The following KANSL1L variants were observed in gnomAD, a reference collection of about 807,000 sequenced individuals.
KANSL1L encodes KAT8 regulatory NSL complex subunit 1 like.
KANSL1L carries 25 observed loss-of-function variants against 108.6 expected under a neutral mutation model. That is an observed-to-expected ratio of 0.23 (90% CI 0.17 to 0.32). KANSL1L has a LOEUF of 0.32. KANSL1L is among the 10% of genes least tolerant of loss of function. KANSL1L has a pLI of 1.00. For synonymous variants in KANSL1L, 405 were observed against 395.1 expected, an observed-to-expected ratio of 1.03 and a Z score of -0.30; for missense variants, 1,137 against 1,125.7, an observed-to-expected ratio of 1.01 and a Z score of -0.14.
rs555805368 is a variant in KANSL1L, at chr2:210,101,330, G to A, written c.1428+2774C>T. The stretch of plus-strand genomic sequence containing the variant: ...GCTCCACAACTTCATTTTACACTAG[G>A]ATCTGCAAATTAGGCAGTTCTGATG... On this transcript the variant is annotated intron_variant, in intron 4 of 14. Transcript: ENST00000281772. 6.0e-4 allele frequency among the ~76,000 whole-genome samples: 92 copies of A among 152,252 alleles called. 1 individual carries two copies. Among genetic ancestry groups the A allele is most frequent in the Middle Eastern group, 3.4e-3 (1 of 294 alleles).
chr2:210,035,862 T>C (rs1426455944), intron 8 of KANSL1L, among the ~76,000 whole-genome samples: 1 of 152,236 alleles, frequency 6.6e-6, no homozygotes, highest in African/African-American at 2.4e-5. Context: ...TAAAGACTTG[T>C]TACTCAGTAT....
intron 5 of KANSL1L, among the ~76,000 whole-genome samples, chr2:210,093,919 T>C (rs185770720): frequency 6.6e-6 from 1 of 152,330 alleles, no homozygotes; most frequent in Admixed American, 6.5e-5. Flanking sequence ...GGCTATAATG[T>C]AGATAAATTT....
In KANSL1L at chr2:210,171,295, GGCCGCCGCCGCCGCCGCCGCCGCCGCC is replaced by G. The variant is rs66917529; in HGVS notation, c.-203_-177del. The G allele has an allele frequency of 5.2e-3, 902 of 174,740 alleles. 5 individuals carry two copies. Among genetic ancestry groups the G allele is most frequent in the Non-Finnish European group, 6.1e-3 (536 of 87,988 alleles). 10.8% of individuals were successfully genotyped at this position (174,740 alleles called of 1,614,324 possible). On this transcript the variant is annotated 5_prime_UTR_variant, in exon 1 of 15. Transcript: ENST00000281772. ...CCAGAGCGCGCCCCGCTCCCGCCCCGGCCGCCGCCGCCGCCGCCGCCGCCGCCGCCGCCGCCGCCGCCGCCGCGGTTT... is the reference window on the plus strand; with the variant it reads ...CCAGAGCGCGCCCCGCTCCCGCCCCGGCCGCCGCCGCCGCCGCCGCGGTTT...
upstream of KANSL1L, chr2:210,171,865 C>T (rs1231687066): frequency 6.6e-6 from 1 of 152,112 alleles, no homozygotes; most frequent in Non-Finnish European, 1.5e-5. Flanking sequence ...TTGTCAAGTC[C>T]GCAAGTCTCC....
chr2:210,027,085 T>A (rs1489153384), intron 12 of KANSL1L, among the ~76,000 whole-genome samples: 1 of 152,108 alleles, frequency 6.6e-6, no homozygotes, highest in Non-Finnish European at 1.5e-5. Flanking sequence ...CTTTTTAAAT[T>A]ATTGTGTATT....
chr2:210,053,118 C>T (rs2094311546), intron 6 of KANSL1L, among the ~76,000 whole-genome samples: 1 of 152,148 alleles, frequency 6.6e-6, no homozygotes, highest in Non-Finnish European at 1.5e-5. Flanking sequence ...AGAACTATAG[C>T]CATTTAAATG....
intron 8 of KANSL1L, among the ~76,000 whole-genome samples, chr2:210,037,145 T>C (rs1315334576): frequency 1.3e-5 from 2 of 152,200 alleles, no homozygotes; most frequent in East Asian, 1.9e-4. Flanking sequence ...CATATTTGCA[T>C]ACTCTTTCAG....
intron 4 of KANSL1L, among the ~76,000 whole-genome samples, chr2:210,100,226 C>T (rs1221949966): frequency 5.9e-5 from 9 of 152,242 alleles, no homozygotes; most frequent in Non-Finnish European, 4.4e-5. Context: ...TTATAAGACT[C>T]TAATGCCTGA....
Position 210,154,528 on chromosome 2 carries a change from G to C in KANSL1L, c.55C>G (p.Pro19Ala), listed in dbSNP as rs1462064486. 9 of 1,582,848 alleles carry C rather than the reference G, an allele frequency of 5.7e-6. No homozygotes were observed. The highest frequency in any genetic ancestry group is 7.7e-6 in the Non-Finnish European group (9 of 1,164,090). ...ATCTTGTCAGACTCCATGGTACTTG[G>C]CAAAGATGAAAAGCTGATACCCTTT... is the stretch of plus-strand genomic sequence containing the variant. Reference protein sequence around the residue: ...TAKGISFSSLPSTMESDKMLY... With the variant: ...TAKGISFSSLASTMESDKMLY... The change falls in exon 2 of 15, where the codon CCA (proline) becomes GCA (alanine). Residue 19 changes from proline to alanine, a missense_variant. By Grantham distance (27) the Pro-to-Ala change is conservative. Around this residue, in one of 3 missense-constraint regions of KANSL1L, gnomAD observed 556 missense variants for 537.7 expected, o/e 1.03. Coordinates refer to ENST00000281772, the MANE Select transcript of KANSL1L (RefSeq NM_152519.4).
rs917823273 is a variant in KANSL1L, at chr2:210,142,823, T to A, written c.1088+10672A>T. Among the ~76,000 whole-genome samples, 3 of 152,138 alleles carry A rather than the reference T, an allele frequency of 2.0e-5. No individual in the cohort carries two copies. In the East Asian group the frequency reaches 5.8e-4, roughly 29 times the overall value. On this transcript the variant is annotated intron_variant, in intron 2 of 14. Coordinates refer to ENST00000281772, the MANE Select transcript of KANSL1L (RefSeq NM_152519.4). The stretch of plus-strand genomic sequence containing the variant: ...GATTTTGGCTGGAAAAAATACTTGA[T>A]ATGATTTCAATCATTTTGGTTAAGA...
chr2:210,162,631 G>T (rs1219198264), intron 1 of KANSL1L, among the ~76,000 whole-genome samples: 1 of 151,898 alleles, frequency 6.6e-6, no homozygotes, highest in Admixed American at 6.6e-5. Context: ...AGAGAAAGGA[G>T]CCCAGGACAA....
chr2:210,102,204 T>C (rs1278085686), intron 4 of KANSL1L, among the ~76,000 whole-genome samples: 1 of 152,180 alleles, frequency 6.6e-6, no homozygotes, highest in Non-Finnish European at 1.5e-5. Flanking sequence ...TAGTTTAAAG[T>C]CAGGTAGCGT....
At chr2:210,031,667 C>G in intron 8 of KANSL1L, 121 bp from the exon 9 acceptor site, 1 of 576,546 alleles carries the variant, frequency 1.7e-6, no homozygotes, top group Non-Finnish European at 2.9e-6. Context: ...TACAGATAAA[C>G]ATAAATACCA....
chr2:210,171,765 C>T (rs950249702), upstream of KANSL1L: 1 of 152,112 alleles, frequency 6.6e-6, no homozygotes, highest in African/African-American at 2.4e-5. Flanking sequence ...GACTTCATTC[C>T]CTGCCGTCCG....
chr2:210,040,132 A>G (rs1439781324), intron 8 of KANSL1L, among the ~76,000 whole-genome samples: 1 of 151,880 alleles, frequency 6.6e-6, no homozygotes, highest in Non-Finnish European at 1.5e-5. Flanking sequence ...GGAAGAATTT[A>G]TATATTTATT....
At chr2:210,145,923 G>C (rs569094888) in intron 2 of KANSL1L, among the ~76,000 whole-genome samples, 59 of 152,160 alleles carry the variant, frequency 3.9e-4, no homozygotes, top group African/African-American at 1.4e-3. Flanking sequence ...GGAAGCTCTG[G>C]AGTCTGGGGC....
At chr2:210,025,436 A>G (rs1209902800) in intron 12 of KANSL1L, among the ~76,000 whole-genome samples, 2 of 152,160 alleles carry the variant, frequency 1.3e-5, no homozygotes, top group Non-Finnish European at 2.9e-5. Flanking sequence ...GGCGCCTGTA[A>G]TCACAGCTAC....
At chr2:210,079,730 A>C (rs2094575010) in intron 5 of KANSL1L, 1 of 127,998 alleles carries the variant, frequency 7.8e-6, no homozygotes, top group South Asian at 2.4e-4. Context: ...ATATATGGTT[A>C]TCATTGTACT....
intron 6 of KANSL1L, among the ~76,000 whole-genome samples, chr2:210,055,241 G>T (rs549061931): frequency 6.6e-6 from 1 of 152,336 alleles, no homozygotes; most frequent in East Asian, 1.9e-4. Context: ...TTCCATGATT[G>T]TAAGTTTCCT....
Sources: gnomAD v4.1 joint callset for allele counts (sites outside exome capture counted in the v4.1 genomes callset) on GRCh38, gnomAD v4.1.1 for gene constraint, gnomAD v4.1.1 regional missense constraint, MANE v1.5 for transcripts, NCBI Gene and HGNC (gene_info 2026-07-23, HGNC 2026-07-21) for gene names.